CRISP2: variants seen among roughly 807,000 people sequenced by gnomAD.
CRISP2 encodes cysteine-rich secretory protein 2.
Under a neutral mutation model 31.7 loss-of-function variants are expected in CRISP2, and 29 were observed. That is an observed-to-expected ratio of 0.92 (90% CI 0.68 to 1.25). The LOEUF (loss-of-function observed/expected upper bound fraction) is 1.25. Among genes scored for constraint, CRISP2 ranks in the 50% most tolerant of loss-of-function variants. The pLI is 0.00. For synonymous variants in CRISP2, 111 were observed against 101.4 expected, an observed-to-expected ratio of 1.09 and a Z score of -0.57; for missense variants, 318 against 286.5, an observed-to-expected ratio of 1.11 and a Z score of -0.79.
intron 4 of CRISP2, among the ~76,000 whole-genome samples, chr6:49,707,002 A>C (rs1767143972): frequency 6.6e-6 from 1 of 152,154 alleles, no homozygotes; most frequent in Non-Finnish European, 1.5e-5. Flanking sequence ...TTTTCTCTCG[A>C]CCTAAAAAAA....
At chr6:49,688,451 T>C (rs1332144951), downstream of CRISP2, among the ~76,000 whole-genome samples, 1 of 151,938 alleles carries the variant, frequency 6.6e-6, no homozygotes, top group Admixed American at 6.6e-5. Flanking sequence ...ATTAGGAAAA[T>C]ACATTAAAAT....
At chr6:49,702,050 A>AAAC (rs1766076653) in intron 4 of CRISP2, among the ~76,000 whole-genome samples, 1 of 114,726 alleles carries the variant, frequency 8.7e-6, no homozygotes, top group Non-Finnish European at 1.7e-5. Flanking sequence ...ATAAGTTTAT[A>AAAC]TTATATATGT....
chr6:49,679,493 A>T, the CRISP2 span, among the ~76,000 whole-genome samples: 4 of 152,112 alleles, frequency 2.6e-5, no homozygotes, highest in African/African-American at 9.7e-5. Flanking sequence ...TTTGAGAGGA[A>T]TTTTATTCAG....
chr6:49,679,688 T>TG, the CRISP2 span, among the ~76,000 whole-genome samples: 12 of 65,644 alleles, frequency 1.8e-4, 1 homozygote, highest in South Asian at 5.0e-3. Flanking sequence ...TCAGTGTTGT[T>TG]GTTTTTTTTT....
rs12624 is a variant in CRISP2 at position 49,692,705 on chromosome 6, A to G, written c.*68T>C. ...TGTCACTAACATACATACAATTTCC[A>G]CTGGTATGTCGCAATTAAATGATGC... On this transcript the variant is annotated 3_prime_UTR_variant, in exon 10 of 10. Coordinates refer to ENST00000339139, the MANE Select transcript of CRISP2 (RefSeq NM_003296.4). The G allele has an allele frequency of 7.0e-7, 1 of 1,430,910 alleles. No homozygotes were observed. The allele number at this position is 1,430,910 out of a possible 1,614,324, so 88.6% of individuals were successfully genotyped here. A position where few individuals can be genotyped will look rare whatever the true frequency, so the allele number is the denominator to read the frequency against.
At chr6:49,680,731 T>C in the CRISP2 span, among the ~76,000 whole-genome samples, 1 of 152,240 alleles carries the variant, frequency 6.6e-6, no homozygotes, top group East Asian at 1.9e-4. Flanking sequence ...GTGGTTTTGA[T>C]TTGCATTTCT....
At chr6:49,696,617 G>T (rs1764813229) in intron 8 of CRISP2, among the ~76,000 whole-genome samples, 1 of 150,678 alleles carries the variant, frequency 6.6e-6, no homozygotes, top group Non-Finnish European at 1.5e-5. Context: ...AAAGATTAAA[G>T]AAAAGTTTTG....
At chr6:49,701,319 C>T (rs1002034251) in intron 4 of CRISP2, among the ~76,000 whole-genome samples, 6 of 151,768 alleles carry the variant, frequency 4.0e-5, no homozygotes, top group South Asian at 2.1e-4. Flanking sequence ...TTGTATCATT[C>T]TTATGCCTGT....
intron 3 of CRISP2, among the ~76,000 whole-genome samples, chr6:49,710,106 T>C (rs1767746391): frequency 6.6e-6 from 1 of 152,200 alleles, no homozygotes; most frequent in South Asian, 2.1e-4. Context: ...TCCCAAATTC[T>C]TGGAAAGAAA....
At chr6:49,701,651 T>C (rs1765803813) in intron 4 of CRISP2, among the ~76,000 whole-genome samples, 1 of 127,912 alleles carries the variant, frequency 7.8e-6, no homozygotes, top group Non-Finnish European at 1.6e-5. Context: ...TATATATGTA[T>C]ACATTATATA....
intron 9 of CRISP2, among the ~76,000 whole-genome samples, chr6:49,694,079 C>T (rs946535172): frequency 6.6e-6 from 1 of 152,154 alleles, no homozygotes; most frequent in African/African-American, 2.4e-5. Flanking sequence ...TGTTTTTCTT[C>T]AGAAGGCCTT....
the CRISP2 span, among the ~76,000 whole-genome samples, chr6:49,685,577 A>G: frequency 3.2e-4 from 49 of 152,276 alleles, no homozygotes; most frequent in East Asian, 9.5e-3. Flanking sequence ...CATTATTCAT[A>G]ATGTATTTAT....
At chr6:49,689,465 A>T (rs1163394679), downstream of CRISP2, among the ~76,000 whole-genome samples, 1 of 152,148 alleles carries the variant, frequency 6.6e-6, no homozygotes, top group East Asian at 1.9e-4. Flanking sequence ...TGATAATAAC[A>T]TTGTTTATTA....
intron 2 of CRISP2, among the ~76,000 whole-genome samples, chr6:49,711,815 A>G (rs139590627): frequency 4.5e-4 from 68 of 152,324 alleles, no homozygotes; most frequent in African/African-American, 1.6e-3. Context: ...TTTCTTATGT[A>G]AAATGTAGAT....
the CRISP2 span, among the ~76,000 whole-genome samples, chr6:49,685,105 A>G: frequency 6.6e-6 from 1 of 152,152 alleles, no homozygotes; most frequent in Non-Finnish European, 1.5e-5. Context: ...CATGGCTGCC[A>G]TTGCCTCATC....
intron 4 of CRISP2, among the ~76,000 whole-genome samples, chr6:49,704,902 A>T (rs1766749213): frequency 1.3e-5 from 2 of 152,094 alleles, no homozygotes; most frequent in South Asian, 4.1e-4. Flanking sequence ...AGTGGAATTA[A>T]CTGCTGTTTT....
the CRISP2 span, among the ~76,000 whole-genome samples, chr6:49,679,433 T>C: frequency 1.3e-5 from 2 of 152,124 alleles, no homozygotes; most frequent in Non-Finnish European, 2.9e-5. Context: ...CTAAGCAATG[T>C]GATAAAAATG....
At chr6:49,679,869 C>T in the CRISP2 span, among the ~76,000 whole-genome samples, 2 of 152,028 alleles carry the variant, frequency 1.3e-5, no homozygotes, top group South Asian at 4.1e-4. Flanking sequence ...CCATGCCCAG[C>T]TCATTTTTGT....
chr6:49,709,878 G>A (rs1767699366), intron 3 of CRISP2, among the ~76,000 whole-genome samples: 1 of 152,136 alleles, frequency 6.6e-6, no homozygotes, highest in South Asian at 2.1e-4. Flanking sequence ...TAAGAAGATT[G>A]TTTCGTATTT....
Sources: gnomAD v4.1 joint callset for allele counts (sites outside exome capture counted in the v4.1 genomes callset) on GRCh38, gnomAD v4.1.1 for gene constraint, MANE v1.5 for transcripts, NCBI Gene and HGNC (gene_info 2026-07-23, HGNC 2026-07-21) for gene names.